CNTNAP4: variants seen among roughly 807,000 people sequenced by gnomAD.
CNTNAP4 encodes contactin-associated protein-like 4.
A neutral mutation model predicts 148.4 loss-of-function variants in CNTNAP4; 98 were observed. The ratio of observed to expected loss-of-function variants is 0.66; its 90% confidence interval spans 0.56 to 0.78. The LOEUF is 0.78. CNTNAP4 is among the 30% of genes least tolerant of loss of function. The pLI, the probability that CNTNAP4 is intolerant of heterozygous loss-of-function variation, is 0.00. For missense variants in CNTNAP4, 1,935 were observed against 1,565.6 expected (o/e 1.24, Z -3.98); for synonymous variants, 730 against 565.1 (o/e 1.29, Z -4.14).
At chr16:76,367,229 T>C (rs1000967991) in intron 3 of CNTNAP4, among the ~76,000 whole-genome samples, 5 of 151,894 alleles carry the variant, frequency 3.3e-5, no homozygotes, top group African/African-American at 1.2e-4. Flanking sequence ...AATCATAGCC[T>C]TCTAGAAAAG....
intron 2 of CNTNAP4, among the ~76,000 whole-genome samples, chr16:76,326,013 T>C (rs1343951363): frequency 6.6e-6 from 1 of 152,186 alleles, no homozygotes; most frequent in Non-Finnish European, 1.5e-5. Flanking sequence ...CAAGTTAATA[T>C]GCCTTCAAAT....
At chr16:76,332,805 C>T (rs138641958) in intron 2 of CNTNAP4, among the ~76,000 whole-genome samples, 2 of 151,980 alleles carry the variant, frequency 1.3e-5, no homozygotes, top group African/African-American at 4.8e-5. Context: ...ATGAATTTTC[C>T]ACTTCAGTTC....
In CNTNAP4 at chr16:76,538,700, C is replaced by T. The variant is rs578146301; in HGVS notation, c.3220+360C>T. Reference sequence around the variant, plus strand: ...GGTGTCTTGTTGTATGTAACTATTTCCTGCAAATCAAAGTAAAGAAACATT... The same window carrying T: ...GGTGTCTTGTTGTATGTAACTATTTTCTGCAAATCAAAGTAAAGAAACATT... On this transcript the variant is annotated intron_variant, in intron 19 of 23. Coordinates refer to ENST00000611870, the MANE Select transcript of CNTNAP4 (RefSeq NM_033401.5). Among the ~76,000 whole-genome samples the T allele has an allele frequency of 4.0e-5, 6 of 151,792 alleles. No individual in the cohort carries two copies. In the South Asian group the frequency reaches 1.0e-3, roughly 26 times the overall value.
Position 76,370,801 on chromosome 16 carries a change from C to T in CNTNAP4, c.390+15290C>T, listed in dbSNP as rs550611865. On this transcript the variant is annotated intron_variant, in intron 3 of 23. Transcript: ENST00000611870. ...TCATTCCCTTTCAGTTTTGAAATTG[C>T]ATGCTTCCCTTTCAACCCATAAAGA... is the stretch of plus-strand genomic sequence containing the variant. Among the ~76,000 whole-genome samples the T allele has an allele frequency of 3.3e-5, 5 of 152,326 alleles. No homozygotes were observed. The South Asian group carries it at 6.2e-4, about 19-fold the overall frequency.
In CNTNAP4 at chr16:76,498,610, G is replaced by A. The variant is rs2082495530; in HGVS notation, c.2281G>A (p.Val761Ile). 1 of 1,612,564 alleles carries A rather than the reference G, an allele frequency of 6.2e-7. No homozygotes were observed. The highest frequency in any genetic ancestry group is 8.5e-7 in the Non-Finnish European group (1 of 1,179,180). The change falls in exon 15 of 24, where the codon GTA becomes ATA. Residue 761 changes from valine to isoleucine, a missense_variant. Val to Ile is a conservative substitution (Grantham distance 29, BLOSUM62 3). Coordinates refer to ENST00000611870, the MANE Select transcript of CNTNAP4 (RefSeq NM_033401.5). ...GLLAYKEHLPVTKIVITDTGR... is the reference protein window; with the variant it reads ...GLLAYKEHLPITKIVITDTGR... Reference sequence around the variant, plus strand: ...GCTTGCTTATAAAGAACATCTTCCAGTAACTAAGATCGTGATTACAGACAC... The same window carrying A: ...GCTTGCTTATAAAGAACATCTTCCAATAACTAAGATCGTGATTACAGACAC...
rs771392423 is a variant in CNTNAP4, at chr16:76,489,880, C to G, written c.2077C>G (p.Gln693Glu). Residue 693 changes from glutamine to glutamate, a missense_variant, in exon 13 of 24, where the codon CAA (glutamine) becomes GAA (glutamate). By Grantham distance (29) the Gln-to-Glu change is conservative. Coordinates refer to ENST00000611870, the MANE Select transcript of CNTNAP4 (RefSeq NM_033401.5). The part of the protein sequence containing the change: ...YCKKSRLVNK[Q>E]DGTPLSWWVG... ...CAAGAAGTCACGGCTGGTCAATAAG[C>G]AAGGTAAGTAAACCATGGTGTCTGT... is the stretch of plus-strand genomic sequence containing the variant. The G allele has an allele frequency of 1.4e-5, 22 of 1,543,074 alleles. No individual in the cohort carries two copies. Among genetic ancestry groups the G allele is most frequent in the Non-Finnish European group, 1.6e-5 (18 of 1,134,282 alleles).
intron 3 of CNTNAP4, among the ~76,000 whole-genome samples, chr16:76,391,434 C>T (rs918748371): frequency 6.6e-6 from 1 of 152,140 alleles, no homozygotes; most frequent in South Asian, 2.1e-4. Context: ...TTGGAATGTT[C>T]CAAAGCATGC....
intron 1 of CNTNAP4, chr16:76,309,925 C>G: frequency 1.4e-6 from 1 of 701,654 alleles, no homozygotes. Context: ...GGTTAAGTCT[C>G]TTTTTCTTCC....
At chr16:76,327,983 A>G (rs982727527) in intron 2 of CNTNAP4, among the ~76,000 whole-genome samples, 4 of 152,186 alleles carry the variant, frequency 2.6e-5, no homozygotes, top group Non-Finnish European at 5.9e-5. Flanking sequence ...TGAGTGATCA[A>G]ACTTTTGCCT....
In CNTNAP4 at chr16:76,312,612, C is replaced by G. The variant is rs116397776; in HGVS notation, c.86-3801C>G. Among the ~76,000 whole-genome samples the G allele has an allele frequency of 5.3e-3, 801 of 152,244 alleles. 4 individuals carry two copies. Among genetic ancestry groups the G allele is most frequent in the African/African-American group, 0.013 (549 of 41,554 alleles). ...ATGGCAAACCTGGAACTGGAGTACACACTCCTTGAGAGAATTTGTTCATGC... is the reference window on the plus strand; with the variant it reads ...ATGGCAAACCTGGAACTGGAGTACAGACTCCTTGAGAGAATTTGTTCATGC... On this transcript the variant is annotated intron_variant, in intron 1 of 23. Coordinates refer to ENST00000611870, the MANE Select transcript of CNTNAP4 (RefSeq NM_033401.5).
intron 1 of CNTNAP4, among the ~76,000 whole-genome samples, chr16:76,282,013 T>A (rs1473097837): frequency 1.3e-5 from 2 of 151,900 alleles, no homozygotes; most frequent in Non-Finnish European, 2.9e-5. Context: ...TCTCTGGCAC[T>A]TTATATAAAA....
intron 2 of CNTNAP4, among the ~76,000 whole-genome samples, chr16:76,349,299 C>G (rs1965178003): frequency 6.6e-6 from 1 of 152,138 alleles, no homozygotes; most frequent in African/African-American, 2.4e-5. Flanking sequence ...TGAAATTGCT[C>G]CATGGTCATG....
At chr16:76,290,514 CTG>C (rs1959070267) in intron 1 of CNTNAP4, among the ~76,000 whole-genome samples, 1 of 152,148 alleles carries the variant, frequency 6.6e-6, no homozygotes, top group Admixed American at 6.5e-5. Context: ...GTTTTCTCCT[CTG>C]AGTGTACACT....
intron 13 of CNTNAP4, among the ~76,000 whole-genome samples, chr16:76,491,475 G>A (rs2082218768): frequency 1.3e-5 from 2 of 152,188 alleles, no homozygotes; most frequent in Admixed American, 6.5e-5. Flanking sequence ...TGATTGGGTG[G>A]CATAGCACGT....
chr16:76,557,259 A>G (rs2085236220), intron 23 of CNTNAP4: 1 of 152,176 alleles, frequency 6.6e-6, no homozygotes, highest in African/African-American at 2.4e-5. Context: ...TCTTGAAGTG[A>G]CACATTTACT....
rs553537663 is a variant in CNTNAP4 at position 76,400,463 on chromosome 16, G to T, written c.391-26989G>T. Among the ~76,000 whole-genome samples, 101 of 152,128 alleles carry T rather than the reference G, an allele frequency of 6.6e-4. 1 individual carries two copies. In the South Asian group the frequency reaches 0.012, roughly 18 times the overall value. ...ATATTAGGCTTCTGTCTGATGCATAGTTTGCACATATTTTCTTCTATTCTG... is the reference window on the plus strand; with the variant it reads ...ATATTAGGCTTCTGTCTGATGCATATTTTGCACATATTTTCTTCTATTCTG... On this transcript the variant is annotated intron_variant, in intron 3 of 23. Transcript: ENST00000611870.
intron 2 of CNTNAP4, among the ~76,000 whole-genome samples, chr16:76,342,162 G>T (rs1964518826): frequency 6.6e-6 from 1 of 152,122 alleles, no homozygotes; most frequent in Admixed American, 6.5e-5. Flanking sequence ...AAGATCATCT[G>T]GGAATTCCCC....
rs530864226 is a variant in CNTNAP4, at chr16:76,293,816, C to G, written c.85+16069C>G. ...GCAAATCATGGCATCTAAGAACAAGCTGCTTTTTTTTTTTTTTTTAAAAAA... is the reference window on the plus strand; with the variant it reads ...GCAAATCATGGCATCTAAGAACAAGGTGCTTTTTTTTTTTTTTTTAAAAAA... On this transcript the variant is annotated intron_variant, in intron 1 of 23. Transcript: ENST00000611870. Among the ~76,000 whole-genome samples, 133 of 144,958 alleles carry G rather than the reference C, an allele frequency of 9.2e-4. 2 individuals are homozygous for G. The highest frequency in any genetic ancestry group is 3.4e-3 in the African/African-American group (131 of 38,992).
At chr16:76,543,305 A>G (rs1480179393) in intron 21 of CNTNAP4, among the ~76,000 whole-genome samples, 1 of 152,228 alleles carries the variant, frequency 6.6e-6, no homozygotes, top group African/African-American at 2.4e-5. Flanking sequence ...ATGAATTTAT[A>G]GCAACATGTT....
Sources: allele counts gnomAD v4.1 joint callset (sites outside exome capture counted in the v4.1 genomes callset), GRCh38; gene constraint gnomAD v4.1.1; transcripts MANE v1.5; gene names NCBI Gene and HGNC (gene_info 2026-07-23, HGNC 2026-07-21).